Variants in NRP2 observed in about 807,000 individuals in gnomAD.
NRP2 encodes neuropilin-2.
Under a neutral mutation model 110.4 loss-of-function variants are expected in NRP2, and 52 were observed. That is an observed-to-expected ratio of 0.47 (90% CI 0.38 to 0.59). The LOEUF (loss-of-function observed/expected upper bound fraction) is 0.59. Ranked by LOEUF, NRP2 falls within the 20% of genes least tolerant of loss-of-function variation. The pLI is 0.00. For missense variants in NRP2, 1,049 were observed against 1,203.0 expected, an observed-to-expected ratio of 0.87 and a Z score of 1.89; for synonymous variants, 508 against 468.9, an observed-to-expected ratio of 1.08 and a Z score of -1.08.
intron 15 of NRP2, among the ~76,000 whole-genome samples, chr2:205,773,560 G>T (rs576024706): frequency 5.3e-5 from 8 of 152,316 alleles, no homozygotes; most frequent in African/African-American, 1.4e-4. Context: ...TGTCTTTCAA[G>T]TAGAGCAGGA....
chr2:205,752,425 C>T, intron 11 of NRP2: 1 of 301,394 alleles, frequency 3.3e-6, no homozygotes, highest in Non-Finnish European at 6.4e-6. Context: ...CCTCTGAGAG[C>T]CAGGTTGGCA....
intron 1 of NRP2, among the ~76,000 whole-genome samples, chr2:205,683,579 TGTGTGTGA>T (rs141664505): frequency 8.1e-6 from 1 of 123,746 alleles, no homozygotes; most frequent in Non-Finnish European, 1.8e-5. Flanking sequence ...TGTGTGTGTG[TGTGTGTGA>T]GTGTGTTTTG....
At chr2:205,767,558 T>C (rs1575655321) in intron 15 of NRP2, 82 of 332,788 alleles carry the variant, frequency 2.5e-4, no homozygotes, top group South Asian at 1.8e-3. Context: ...GAATTGGGGA[T>C]GCTTGCCTCA....
intron 6 of NRP2, among the ~76,000 whole-genome samples, chr2:205,727,390 C>A (rs2057147619): frequency 6.6e-6 from 1 of 152,194 alleles, no homozygotes; most frequent in Admixed American, 6.5e-5. Context: ...TGCCCTTTGA[C>A]CCCTTAGTGA....
chr2:205,776,783 G>A, intron 15 of NRP2: 1 of 1,387,938 alleles, frequency 7.2e-7, no homozygotes, highest in South Asian at 1.5e-5. Context: ...ACTATCCGAA[G>A]AGATCCACCC....
At chr2:205,768,853 G>A (rs1039885149) in intron 15 of NRP2, among the ~76,000 whole-genome samples, 8 of 152,180 alleles carry the variant, frequency 5.3e-5, no homozygotes, top group Admixed American at 3.3e-4. Flanking sequence ...TTGGCCAATG[G>A]ACACAGTAAA....
intron 1 of NRP2, among the ~76,000 whole-genome samples, chr2:205,684,883 G>A (rs2056107825): frequency 6.6e-6 from 1 of 152,212 alleles, no homozygotes; most frequent in Non-Finnish European, 1.5e-5. Context: ...ACACGCGCGC[G>A]CGCCGTGAGG....
In NRP2 at chr2:205,794,995, G is replaced by A; in HGVS notation, c.2718G>A (p.Glu906=). The A allele has an allele frequency of 4.3e-6, 7 of 1,614,170 alleles. No homozygotes were observed. The highest frequency in any genetic ancestry group is 5.1e-6 in the Non-Finnish European group (6 of 1,180,040). ...SCTTLENYNF[E]LYDGLKHKVK... ...CCACACTGGAGAACTACAACTTCGA[G>A]CTCTACGATGGCCTTAAGCACAAGG... Residue 906 remains glutamate, a synonymous_variant, in exon 17 of 17, where the codon GAG becomes GAA. Transcript: ENST00000357785.
At chr2:205,732,613 A>C (rs2057262312) in intron 7 of NRP2, among the ~76,000 whole-genome samples, 1 of 152,210 alleles carries the variant, frequency 6.6e-6, no homozygotes, top group South Asian at 2.1e-4. Context: ...GGATATAATT[A>C]ATGGAGTAGA....
intron 11 of NRP2, among the ~76,000 whole-genome samples, chr2:205,751,489 G>A (rs1475863322): frequency 2.0e-5 from 3 of 152,126 alleles, no homozygotes; most frequent in African/African-American, 7.2e-5. Flanking sequence ...AAAGGCTAAG[G>A]GCTGACTTTT....
chr2:205,785,417 A>G lies in NRP2; in HGVS notation c.2426-6818A>G, dbSNP rs146273390. Among the ~76,000 whole-genome samples, 966 of 152,188 alleles carry G rather than the reference A, an allele frequency of 6.3e-3. 12 individuals carry two copies. The highest frequency in any genetic ancestry group is 7.3e-3 in the Admixed American group (111 of 15,302). On this transcript the variant is annotated intron_variant, in intron 15 of 16. Coordinates refer to ENST00000357785, the MANE Select transcript of NRP2 (RefSeq NM_003872.3). ...AAAAATAAGACTACACAAGAGGGGG[A>G]AAAAACAGCAGGTTTTCCTTGAAAT...
At position 205,721,255 on chromosome 2, in the gene NRP2, C is replaced by T. The variant is rs2057005830; in HGVS notation, c.434-1223C>T. Among the ~76,000 whole-genome samples the T allele has an allele frequency of 2.6e-5, 4 of 152,282 alleles. No individual in the cohort carries two copies. The South Asian group carries it at 8.3e-4, about 32-fold the overall frequency. On this transcript the variant is annotated intron_variant, in intron 3 of 16. Transcript: ENST00000357785. Reference sequence around the variant, plus strand: ...TCAGTGTGAGCCCCAGAGGACACTTCCTGACAGTAAACACCCAGTTTATCG... The same window carrying T: ...TCAGTGTGAGCCCCAGAGGACACTTTCTGACAGTAAACACCCAGTTTATCG...
chr2:205,746,354 G>C (rs931463394), intron 10 of NRP2, among the ~76,000 whole-genome samples: 3 of 152,184 alleles, frequency 2.0e-5, no homozygotes, highest in Non-Finnish European at 4.4e-5. Flanking sequence ...GCTCAGGAGG[G>C]ACCCTGTTGC....
intron 1 of NRP2, among the ~76,000 whole-genome samples, chr2:205,694,203 CAGAA>C (rs1394514386): frequency 3.3e-5 from 5 of 152,144 alleles, no homozygotes; most frequent in Non-Finnish European, 7.4e-5. Flanking sequence ...AAGAGCAAGA[CAGAA>C]AGAGTTTAAA....
chr2:205,723,785 T>C lies in NRP2; in HGVS notation c.665T>C (p.Val222Ala). The change falls in exon 5 of 17, where the codon GTT (valine) becomes GCT (alanine). Residue 222 changes from valine (V) to alanine (A), a missense_variant and splice_region_variant. Transcript: ENST00000357785. Reference sequence around the variant, plus strand: ...ACTTCTCTTTGTCTTGAATGTCCAGTTGGCCCCCTGATTGGCAAGTACTGT... The same window carrying C: ...ACTTCTCTTTGTCTTGAATGTCCAGCTGGCCCCCTGATTGGCAAGTACTGT... The part of the protein sequence containing the change: ...WLDIWDGIPH[V>A]GPLIGKYCGT... 1.1e-5 allele frequency: 18 copies of C among 1,614,168 alleles called. No homozygotes were observed. Among genetic ancestry groups the C allele is most frequent in the Non-Finnish European group, 1.4e-5 (17 of 1,180,004 alleles).
intron 15 of NRP2, among the ~76,000 whole-genome samples, chr2:205,772,891 C>A (rs1054118361): frequency 2.6e-5 from 4 of 152,206 alleles, no homozygotes; most frequent in African/African-American, 9.7e-5. Context: ...CATGAGCTAG[C>A]AAAATCTCTA....
rs914153811 is a variant in NRP2 at position 205,731,036 on chromosome 2, C to T, written c.1146+2990C>T. ...GCATTGCAAGCCTCCTCCTGGCAAA[C>T]GCAGCCTGGTTACACAGGCCACATG... is the stretch of plus-strand genomic sequence containing the variant. On this transcript the variant is annotated intron_variant, in intron 7 of 16. Transcript: ENST00000357785. Among the ~76,000 whole-genome samples the T allele has an allele frequency of 4.6e-5, 7 of 152,190 alleles. No homozygotes were observed. The South Asian group carries it at 6.2e-4, about 14-fold the overall frequency.
intron 1 of NRP2, among the ~76,000 whole-genome samples, chr2:205,690,407 AC>A (rs1487860149): frequency 6.6e-6 from 1 of 152,100 alleles, no homozygotes; most frequent in Non-Finnish European, 1.5e-5. Context: ...AGTGAAGGGG[AC>A]AAAACCCCTG....
intron 12 of NRP2, among the ~76,000 whole-genome samples, chr2:205,755,260 G>T (rs538871533): frequency 3.3e-5 from 5 of 152,302 alleles, no homozygotes; most frequent in African/African-American, 1.2e-4. Flanking sequence ...CACAAAGTGG[G>T]CAGAATTCCA....
Sources: allele counts gnomAD v4.1 joint callset (sites outside exome capture counted in the v4.1 genomes callset), GRCh38; gene constraint gnomAD v4.1.1; transcripts MANE v1.5; gene names NCBI Gene and HGNC (gene_info 2026-07-23, HGNC 2026-07-21).